Variants in NUBPL observed in about 807,000 individuals in gnomAD.
NUBPL encodes the protein NUBP iron-sulfur cluster assembly factor, mitochondrial.
In NUBPL, 31 loss-of-function variants were observed where a neutral mutation model predicts 45.7. That is an observed-to-expected ratio of 0.68 (90% CI 0.51 to 0.92). NUBPL has a LOEUF of 0.92. NUBPL is among the 40% of genes least tolerant of loss of function. The pLI is 0.00. For synonymous variants in NUBPL, 144 were observed against 140.9 expected (o/e 1.02, Z -0.15); for missense variants, 401 against 398.7 (o/e 1.01, Z -0.05).
At chr14:31,595,953 C>T (rs1016780237) in intron 3 of NUBPL, among the ~76,000 whole-genome samples, 15 of 147,890 alleles carry the variant, frequency 1.0e-4, no homozygotes, top group Non-Finnish European at 1.9e-4. Flanking sequence ...GTTGCCCAGG[C>T]TGGAGTGCAG....
chr14:31,670,486 A>C (rs992891584), intron 4 of NUBPL, among the ~76,000 whole-genome samples: 2 of 151,976 alleles, frequency 1.3e-5, no homozygotes, highest in Non-Finnish European at 2.9e-5. Context: ...ATTAGATCCC[A>C]CTTGTCAATT....
chr14:31,695,248 TC>T (rs1192876614), intron 6 of NUBPL, among the ~76,000 whole-genome samples: 2 of 152,140 alleles, frequency 1.3e-5, no homozygotes, highest in Admixed American at 6.5e-5. Context: ...ACTTAAAATG[TC>T]CTTCTTTTTC....
intron 3 of NUBPL, among the ~76,000 whole-genome samples, chr14:31,597,547 G>A (rs1480491186): frequency 1.3e-5 from 2 of 152,078 alleles, no homozygotes; most frequent in East Asian, 1.9e-4. Context: ...AGAACACTTA[G>A]TTATGTTCTT....
At position 31,860,899 on chromosome 14, in the gene NUBPL, A is replaced by G. The variant is rs2040703195; in HGVS notation, c.*1719A>G. On this transcript the variant is annotated 3_prime_UTR_variant, in exon 11 of 11. Transcript: ENST00000281081. ...GGCCAATTTAAAAAGGTTTTGTACC[A>G]AAAGATTCCATTTATATAACGTTCT... is the stretch of plus-strand genomic sequence containing the variant. 6.6e-6 allele frequency: 1 copy of G among 152,234 alleles called. No individual in the cohort carries two copies. Among genetic ancestry groups the G allele is most frequent in the South Asian group, 2.1e-4 (1 of 4,832 alleles). The allele number at this position is 152,234 out of a possible 1,614,324, so 9.4% of individuals were successfully genotyped here.
At chr14:31,652,369 A>G (rs901653006) in intron 4 of NUBPL, among the ~76,000 whole-genome samples, 2 of 152,176 alleles carry the variant, frequency 1.3e-5, no homozygotes, top group Admixed American at 1.3e-4. Context: ...GAGGAGAGCC[A>G]TTGTACAGCG....
chr14:31,734,690 A>G (rs959865184), intron 6 of NUBPL, among the ~76,000 whole-genome samples: 18 of 152,132 alleles, frequency 1.2e-4, no homozygotes, highest in South Asian at 4.1e-4. Flanking sequence ...ATACGTGTCT[A>G]TGAGTTTTCC....
chr14:31,629,680 G>A (rs1296151054), intron 4 of NUBPL, among the ~76,000 whole-genome samples: 1 of 152,128 alleles, frequency 6.6e-6, no homozygotes, highest in Non-Finnish European at 1.5e-5. Flanking sequence ...ACTGACGAAT[G>A]GGGAGGTAGA....
In NUBPL at chr14:31,653,935, C is replaced by T. The variant is rs113781012; in HGVS notation, c.383-19420C>T. The T allele has an allele frequency of 2.3e-4, 67 of 288,534 alleles. 1 individual carries two copies. The highest frequency in any genetic ancestry group is 1.2e-3 in the African/African-American group (55 of 46,142). 17.9% of individuals were successfully genotyped at this position (288,534 alleles called of 1,614,324 possible). On this transcript the variant is annotated intron_variant, in intron 4 of 10. Coordinates refer to ENST00000281081, the MANE Select transcript of NUBPL (RefSeq NM_025152.3). ...CCAGCTGGTTCCTCTGTTCAGGGTC[C>T]CTGACTTCCCACAACAATTGTGTGG...
intron 8 of NUBPL, among the ~76,000 whole-genome samples, chr14:31,832,397 A>G (rs183173552): frequency 8.8e-4 from 134 of 152,270 alleles, no homozygotes; most frequent in African/African-American, 3.0e-3. Flanking sequence ...GCAGAAATCA[A>G]AAGAATTTTG....
chr14:31,671,673 A>C (rs552167346), intron 4 of NUBPL, among the ~76,000 whole-genome samples: 1 of 152,336 alleles, frequency 6.6e-6, no homozygotes, highest in East Asian at 1.9e-4. Flanking sequence ...TAGTGCTTTC[A>C]AATTAGGTAT....
At chr14:31,588,536 A>G (rs1358397261) in intron 3 of NUBPL, among the ~76,000 whole-genome samples, 3 of 152,146 alleles carry the variant, frequency 2.0e-5, no homozygotes, top group Admixed American at 6.5e-5. Context: ...TCACCCATCT[A>G]TTAAGTGATA....
chr14:31,829,499 G>A (rs2040156919), intron 8 of NUBPL, among the ~76,000 whole-genome samples: 1 of 152,108 alleles, frequency 6.6e-6, no homozygotes, highest in African/African-American at 2.4e-5. Context: ...TGGATTTGTT[G>A]ACCTCTGAGA....
chr14:31,639,534 C>T (rs991204273), intron 4 of NUBPL, among the ~76,000 whole-genome samples: 19 of 152,180 alleles, frequency 1.2e-4, no homozygotes, highest in Non-Finnish European at 4.4e-5. Context: ...GGTTAGGGGT[C>T]AGGGACCCAC....
rs774470105 is a variant in NUBPL, at chr14:31,627,550, G to A, written c.382+28171G>A. Among the ~76,000 whole-genome samples the A allele has an allele frequency of 1.6e-4, 24 of 151,930 alleles. 1 individual carries two copies. The South Asian group carries it at 4.2e-3, about 26-fold the overall frequency. ...TCCCAGCACTTTAGGAGGCCGAGGC[G>A]GGCGGATCACGAGGTCAGGAGATCG... On this transcript the variant is annotated intron_variant, in intron 4 of 10. Transcript: ENST00000281081.
At chr14:31,828,722 A>C (rs1007585273) in intron 8 of NUBPL, among the ~76,000 whole-genome samples, 4 of 152,232 alleles carry the variant, frequency 2.6e-5, no homozygotes, top group African/African-American at 9.6e-5. Context: ...TAATGACCGT[A>C]GTTGCCAAAT....
chr14:31,762,353 G>T (rs1035569336), intron 6 of NUBPL, among the ~76,000 whole-genome samples: 4 of 152,164 alleles, frequency 2.6e-5, no homozygotes, highest in Admixed American at 2.6e-4. Context: ...CTTAGGATGA[G>T]TAGTTTTTGA....
intron 6 of NUBPL, among the ~76,000 whole-genome samples, chr14:31,760,365 C>A (rs1329693942): frequency 6.6e-6 from 1 of 151,834 alleles, no homozygotes; most frequent in Non-Finnish European, 1.5e-5. Flanking sequence ...CGTTGCCAGT[C>A]TGGTGTCAAA....
intron 6 of NUBPL, among the ~76,000 whole-genome samples, chr14:31,763,294 A>G (rs1040230152): frequency 1.3e-5 from 2 of 152,206 alleles, no homozygotes; most frequent in African/African-American, 4.8e-5. Flanking sequence ...GCCTGGCACT[A>G]TGCTTAGCCT....
chr14:31,848,115 A>T (rs2040481593), intron 9 of NUBPL, among the ~76,000 whole-genome samples: 1 of 152,250 alleles, frequency 6.6e-6, no homozygotes, highest in Non-Finnish European at 1.5e-5. Context: ...TGGCTCACAG[A>T]TGTACAATTA....
Sources: allele counts gnomAD v4.1 joint callset (sites outside exome capture counted in the v4.1 genomes callset), GRCh38; gene constraint gnomAD v4.1.1; transcripts MANE v1.5; gene names NCBI Gene and HGNC (gene_info 2026-07-23, HGNC 2026-07-21).